KSR1: variants seen among roughly 807,000 people sequenced by gnomAD.
KSR1 encodes kinase suppressor of ras 1.
A neutral mutation model predicts 92.9 loss-of-function variants in KSR1; 35 were observed. That is an observed-to-expected ratio of 0.38 (90% CI 0.29 to 0.50). The LOEUF is 0.50. Among genes scored for constraint, KSR1 ranks in the 20% least tolerant of loss-of-function variants. The probability of loss-of-function intolerance (pLI) is 0.94; values close to 1 mark genes in which losing one functional copy is unlikely to be tolerated. For missense variants in KSR1, 972 were observed against 1,158.5 expected (o/e 0.84, Z 2.34); for synonymous variants, 467 against 472.6 (o/e 0.99, Z 0.15).
intron 1 of KSR1, among the ~76,000 whole-genome samples, chr17:27,530,641 A>G (rs2070498997): frequency 6.6e-6 from 1 of 152,222 alleles, no homozygotes. Context: ...TTTAAAATGT[A>G]TTATTCCCAT....
chr17:27,613,829 A>G (rs528488410), intron 18 of KSR1, among the ~76,000 whole-genome samples: 21 of 152,328 alleles, frequency 1.4e-4, no homozygotes, highest in African/African-American at 4.8e-4. Context: ...TTTTTGAAGC[A>G]GTTTTGCTCT....
intron 7 of KSR1, among the ~76,000 whole-genome samples, chr17:27,591,788 G>A (rs1278607564): frequency 5.3e-5 from 8 of 152,256 alleles, no homozygotes; most frequent in East Asian, 3.9e-4. Context: ...GCTGTCCTGC[G>A]GTGCAGTATG....
intron 1 of KSR1, among the ~76,000 whole-genome samples, chr17:27,525,809 G>A (rs1197357192): frequency 2.6e-5 from 4 of 152,144 alleles, no homozygotes; most frequent in Admixed American, 6.5e-5. Context: ...AGGACACCCC[G>A]GGTAGTCTAG....
At chr17:27,552,988 A>G (rs1014800692) in intron 2 of KSR1, among the ~76,000 whole-genome samples, 1 of 152,154 alleles carries the variant, frequency 6.6e-6, no homozygotes, top group Non-Finnish European at 1.5e-5. Flanking sequence ...ATAGAAACTC[A>G]CCAGGGTCCT....
At chr17:27,606,222 C>T (rs1287359093) in intron 14 of KSR1, among the ~76,000 whole-genome samples, 1 of 152,178 alleles carries the variant, frequency 6.6e-6, no homozygotes, top group Non-Finnish European at 1.5e-5. Context: ...AAGGCTGCAG[C>T]GAGCCAAGAT....
At chr17:27,465,929 C>T (rs2019673843) in intron 1 of KSR1, among the ~76,000 whole-genome samples, 2 of 152,104 alleles carry the variant, frequency 1.3e-5, no homozygotes, top group South Asian at 4.1e-4. Flanking sequence ...CTACCCCACT[C>T]CCACCAAGGC....
Position 27,623,622 on chromosome 17 carries a change from T to C in KSR1, c.*230T>C. 1 of 615,734 alleles carries C rather than the reference T, an allele frequency of 1.6e-6. No homozygotes were observed. The highest frequency in any genetic ancestry group is 1.9e-5 in the South Asian group (1 of 51,754). The allele number at this position is 615,734 out of a possible 1,614,324, so 38.1% of individuals were successfully genotyped here. On this transcript the variant is annotated 3_prime_UTR_variant, in exon 21 of 21. Transcript: ENST00000644974. Reference sequence around the variant, plus strand: ...CAAACCTGTCATGACAGACAGCAAATGTTTACACGTATATTTCTCCTGAGT... The same window carrying C: ...CAAACCTGTCATGACAGACAGCAAACGTTTACACGTATATTTCTCCTGAGT...
intron 2 of KSR1, among the ~76,000 whole-genome samples, chr17:27,554,562 G>T (rs544571885): frequency 3.9e-5 from 6 of 152,218 alleles, no homozygotes; most frequent in Non-Finnish European, 1.5e-5. Flanking sequence ...AGAATCTAAT[G>T]CCTGATGATC....
chr17:27,471,447 C>A (rs1169912075), intron 1 of KSR1, among the ~76,000 whole-genome samples: 1 of 152,058 alleles, frequency 6.6e-6, no homozygotes, highest in Non-Finnish European at 1.5e-5. Context: ...GATGAGAAGG[C>A]CACTGTAGCC....
intron 14 of KSR1, among the ~76,000 whole-genome samples, chr17:27,607,188 A>G (rs2073781736): frequency 6.6e-6 from 1 of 152,224 alleles, no homozygotes; most frequent in Non-Finnish European, 1.5e-5. Flanking sequence ...AATACGCTGA[A>G]GAAAAGTGGG....
Position 27,601,416 on chromosome 17 carries a change from TG to T in KSR1, c.1510+17del. Reference sequence around the variant, plus strand: ...TATCTTTCCAGGTGAGTCCTTTGCATGGTTCCATTAACTGCCCTTTGCTGTG... The same window carrying T: ...TATCTTTCCAGGTGAGTCCTTTGCATGTTCCATTAACTGCCCTTTGCTGTG... On this transcript the variant is annotated intron_variant, in intron 11 of 20. Transcript: ENST00000644974. 1 of 1,611,470 alleles carries T rather than the reference TG, an allele frequency of 6.2e-7. No individual in the cohort carries two copies. The highest frequency in any genetic ancestry group is 1.1e-5 in the South Asian group (1 of 90,974).
chr17:27,572,336 G>A (rs1041029961), intron 2 of KSR1, among the ~76,000 whole-genome samples: 2 of 152,220 alleles, frequency 1.3e-5, no homozygotes, highest in Non-Finnish European at 2.9e-5. Context: ...TCGGAGCTGG[G>A]ACTGGGCATC....
chr17:27,456,570 G>T lies in KSR1; in HGVS notation c.-74G>T, dbSNP rs1178017314. Reference sequence around the variant, plus strand: ...GGGCGCTCCTGGTCCAGCTCTCCTGGCTCGGGGGTTCCTTGCCGAGGCGCC... The same window carrying T: ...GGGCGCTCCTGGTCCAGCTCTCCTGTCTCGGGGGTTCCTTGCCGAGGCGCC... On this transcript the variant is annotated 5_prime_UTR_variant, in exon 1 of 21. Transcript: ENST00000644974. 2.2e-6 allele frequency: 1 copy of T among 455,878 alleles called. No homozygotes were observed. Among genetic ancestry groups the T allele is most frequent in the African/African-American group, 2.1e-5 (1 of 48,090 alleles). 28.2% of individuals were successfully genotyped at this position (455,878 alleles called of 1,614,324 possible).
intron 1 of KSR1, among the ~76,000 whole-genome samples, chr17:27,521,170 C>T (rs1105527): frequency 0.64 from 97,585 of 151,822 alleles, 32,092 homozygotes; most frequent in African/African-American, 0.78. Flanking sequence ...GGGGTGGGAA[C>T]TGGCCCAGGC....
intron 5 of KSR1, 101 bp downstream of exon 5, chr17:27,585,762 T>G: frequency 1.4e-6 from 1 of 719,040 alleles, no homozygotes; most frequent in East Asian, 2.7e-5. Context: ...CTTAGCCCGT[T>G]CAGCCTCTCC....
chr17:27,619,323 C>G (rs1186934911), intron 19 of KSR1, among the ~76,000 whole-genome samples: 2 of 151,888 alleles, frequency 1.3e-5, no homozygotes, highest in Non-Finnish European at 2.9e-5. Flanking sequence ...TGTTTTTTAA[C>G]CCTTTAAAGT....
intron 6 of KSR1, among the ~76,000 whole-genome samples, chr17:27,589,542 A>G (rs192280360): frequency 6.6e-6 from 1 of 152,218 alleles, no homozygotes; most frequent in African/African-American, 2.4e-5. Context: ...TGGCATGGGC[A>G]TAAGAATCAA....
chr17:27,583,720 C>T (rs62057825), intron 4 of KSR1, among the ~76,000 whole-genome samples: 21 of 152,340 alleles, frequency 1.4e-4, no homozygotes, highest in Non-Finnish European at 2.6e-4. Flanking sequence ...TTTCAACTTC[C>T]CTTGGTATCT....
chr17:27,461,924 A>G (rs1452625698), intron 1 of KSR1, among the ~76,000 whole-genome samples: 3 of 94,024 alleles, frequency 3.2e-5, no homozygotes, highest in African/African-American at 6.7e-5. Context: ...CAGTGTCTGC[A>G]ATGCCGGGGA....
Sources: allele counts gnomAD v4.1 joint callset (sites outside exome capture counted in the v4.1 genomes callset), GRCh38; gene constraint gnomAD v4.1.1; transcripts MANE v1.5; gene names NCBI Gene and HGNC (gene_info 2026-07-23, HGNC 2026-07-21).